The following MAPK14 variants were observed in gnomAD, a reference collection of about 807,000 sequenced individuals.
MAPK14 encodes mitogen-activated protein kinase 14, also known as CSAID-binding protein.
Under a neutral mutation model 49.6 loss-of-function variants are expected in MAPK14, and 16 were observed. That is an observed-to-expected ratio of 0.32 (90% CI 0.22 to 0.49). The LOEUF (loss-of-function observed/expected upper bound fraction) is 0.49. Among genes scored for constraint, MAPK14 ranks in the 20% least tolerant of loss-of-function variants. The pLI is 0.99. For synonymous variants in MAPK14, 142 were observed against 158.0 expected, an observed-to-expected ratio of 0.90 and a Z score of 0.76; for missense variants, 200 against 441.2, an observed-to-expected ratio of 0.45 and a Z score of 4.90.
At position 36,034,225 on chromosome 6, in the gene MAPK14, C is replaced by T. The variant is rs1252254135; in HGVS notation, c.116+5952C>T. On this transcript the variant is annotated intron_variant, in intron 1 of 11. Transcript: ENST00000229794. Reference sequence around the variant, plus strand: ...TTAACCCATTAGAGTCATGTCTCTTCCTCAGAACTGATAAATCAAAAATGC... The same window carrying T: ...TTAACCCATTAGAGTCATGTCTCTTTCTCAGAACTGATAAATCAAAAATGC... Among the ~76,000 whole-genome samples, 4 of 152,290 alleles carry T rather than the reference C, an allele frequency of 2.6e-5. No homozygotes were observed. The East Asian group carries it at 7.7e-4, about 29-fold the overall frequency.
In MAPK14 at chr6:36,052,814, A is replaced by G. The variant is rs1280014164; in HGVS notation, c.232A>G (p.Met78Val). ...CAGAGAACTGCGGTTACTTAAACAT[A>G]TGAAACATGAAAATGTAAGTTATTC... The part of the protein sequence containing the change: ...TYRELRLLKH[M>V]KHENVIGLLD... The change falls in exon 2 of 12, where the codon ATG (methionine) becomes GTG (valine). Residue 78 changes from methionine (M) to valine (V), a missense_variant. Coordinates refer to ENST00000229794, the MANE Select transcript of MAPK14 (RefSeq NM_139012.3). The G allele has an allele frequency of 6.2e-7, 1 of 1,606,770 alleles. No homozygotes were observed.
chr6:36,112,017 T>A (rs1230348604), downstream of MAPK14, among the ~76,000 whole-genome samples: 1 of 151,864 alleles, frequency 6.6e-6, no homozygotes, highest in African/African-American at 2.4e-5. Context: ...CCATCCTGGC[T>A]AACACGGTGA....
At chr6:36,045,209 G>A (rs1268278327) in intron 1 of MAPK14, among the ~76,000 whole-genome samples, 1 of 151,602 alleles carries the variant, frequency 6.6e-6, no homozygotes, top group African/African-American at 2.4e-5. Context: ...TTGGCCTTAC[G>A]ACAGCAATCT....
intron 3 of MAPK14, 134 bp downstream of exon 3, chr6:36,059,481 G>A: frequency 2.9e-6 from 2 of 679,614 alleles, no homozygotes; most frequent in South Asian, 1.7e-5. Flanking sequence ...CTTTTTGGGT[G>A]TAGGGATGGA....
At chr6:36,118,367 T>C in the MAPK14 span, among the ~76,000 whole-genome samples, 2 of 152,344 alleles carry the variant, frequency 1.3e-5, no homozygotes, top group Admixed American at 6.5e-5. Context: ...CCTGTCCCCA[T>C]GGAGTTGTTC....
At position 36,030,556 on chromosome 6, in the gene MAPK14, G is replaced by C. The variant is rs554999936; in HGVS notation, c.116+2283G>C. Among the ~76,000 whole-genome samples the C allele has an allele frequency of 2.6e-5, 4 of 151,814 alleles. No individual in the cohort carries two copies. The East Asian group carries it at 7.8e-4, about 29-fold the overall frequency. On this transcript the variant is annotated intron_variant, in intron 1 of 11. Coordinates refer to ENST00000229794, the MANE Select transcript of MAPK14 (RefSeq NM_139012.3). ...CAAAAAATTAGCCGCCCGTGGTGGCGGGCGCCTGTACTCCCAGCTACTCAG... is the reference window on the plus strand; with the variant it reads ...CAAAAAATTAGCCGCCCGTGGTGGCCGGCGCCTGTACTCCCAGCTACTCAG...
chr6:36,095,893 G>A (rs1459088183), intron 8 of MAPK14, 94 bp from the exon 9 acceptor site: 20 of 762,654 alleles, frequency 2.6e-5, no homozygotes, highest in Non-Finnish European at 3.9e-5. Flanking sequence ...TTTTGTTCTC[G>A]GTGTGTTCTG....
At chr6:36,068,001 A>G (rs1285524514) in intron 3 of MAPK14, among the ~76,000 whole-genome samples, 1 of 152,224 alleles carries the variant, frequency 6.6e-6, no homozygotes, top group Non-Finnish European at 1.5e-5. Context: ...GTTAGCAGAC[A>G]ATAATGCTAT....
chr6:36,119,280 A>G, the MAPK14 span, among the ~76,000 whole-genome samples: 1 of 152,240 alleles, frequency 6.6e-6, no homozygotes, highest in Non-Finnish European at 1.5e-5. Context: ...ATGTCCCCAA[A>G]CCTAGAAACC....
chr6:36,113,343 TAAAAAAAAA>T (rs35876911), downstream of MAPK14, among the ~76,000 whole-genome samples: 29 of 71,764 alleles, frequency 4.0e-4, no homozygotes, highest in Admixed American at 1.5e-3. Context: ...CCCTGTCTCA[TAAAAAAAAA>T]AAAAAAAAAA....
the MAPK14 span, among the ~76,000 whole-genome samples, chr6:36,117,154 T>C: frequency 6.6e-6 from 1 of 152,188 alleles, no homozygotes; most frequent in African/African-American, 2.4e-5. Flanking sequence ...TCTCCCTAGT[T>C]CCAGGCCCCT....
At chr6:36,056,747 T>C (rs973862708) in intron 2 of MAPK14, among the ~76,000 whole-genome samples, 1 of 152,218 alleles carries the variant, frequency 6.6e-6, no homozygotes, top group African/African-American at 2.4e-5. Flanking sequence ...ATGTAAATAG[T>C]TTTAAACTTT....
At chr6:36,076,455 A>G (rs1390137336) in intron 7 of MAPK14, 82 bp from the exon 8 acceptor site, 1 of 944,004 alleles carries the variant, frequency 1.1e-6, no homozygotes, top group Non-Finnish European at 1.7e-6. Flanking sequence ...TGAATATTTC[A>G]CCCCTAGTTA....
Position 36,107,204 on chromosome 6 carries a change from A to G in MAPK14, c.842-251A>G, listed in dbSNP as rs1200109750. 6.6e-6 allele frequency among the ~76,000 whole-genome samples: 1 copy of G among 152,160 alleles called. No individual in the cohort carries two copies. Among genetic ancestry groups the G allele is most frequent in the Non-Finnish European group, 1.5e-5 (1 of 68,034 alleles). ...AGTCCGTGGTGAGACCCATGTAACA[A>G]ATGTGCACATGTACCCCCAAATCAA... On this transcript the variant is annotated intron_variant, in intron 10 of 11. Transcript: ENST00000229794. The surrounding 1 kb of genome is among the most constrained non-coding windows in gnomAD (Gnocchi z 4.3).
chr6:36,119,712 C>T, the MAPK14 span, among the ~76,000 whole-genome samples: 107 of 152,204 alleles, frequency 7.0e-4, no homozygotes, highest in African/African-American at 2.3e-3. Context: ...GGGTGGTGAG[C>T]ATCTAGTGGG....
chr6:36,054,055 T>TA (rs1763501410), intron 2 of MAPK14, among the ~76,000 whole-genome samples: 1 of 151,448 alleles, frequency 6.6e-6, no homozygotes, highest in Admixed American at 6.6e-5. Flanking sequence ...GTGACATGTT[T>TA]ACAAGAAGTT....
rs959385576 is a variant in MAPK14, at chr6:36,110,467, A to G, written c.*2020A>G. ...GTTGTAAATGCTCGTGTGATTTCCT[A>G]CAGAAATACTGCTCTGAATATTTTG... On this transcript the variant is annotated 3_prime_UTR_variant, in exon 12 of 12. Coordinates refer to ENST00000229794, the MANE Select transcript of MAPK14 (RefSeq NM_139012.3). 6.6e-6 allele frequency: 1 copy of G among 152,650 alleles called. No homozygotes were observed. The highest frequency in any genetic ancestry group is 6.5e-5 in the Admixed American group (1 of 15,278). 9.5% of individuals were successfully genotyped at this position (152,650 alleles called of 1,614,324 possible). A position where few individuals can be genotyped will look rare whatever the true frequency, so the allele number is the denominator to read the frequency against.
At chr6:36,100,218 T>C in intron 9 of MAPK14, 1 of 1,613,916 alleles carries the variant, frequency 6.2e-7, no homozygotes, top group Non-Finnish European at 8.5e-7. Context: ...ATTATGCGTC[T>C]GACAGGAACA....
At chr6:36,047,328 G>A (rs1334008329) in intron 1 of MAPK14, among the ~76,000 whole-genome samples, 2 of 152,154 alleles carry the variant, frequency 1.3e-5, no homozygotes, top group Non-Finnish European at 2.9e-5. Context: ...AAAATCCTAG[G>A]AACCAGGAGC....
Sources: gnomAD v4.1 joint callset for allele counts (sites outside exome capture counted in the v4.1 genomes callset) on GRCh38, gnomAD v4.1.1 for gene constraint, Gnocchi (gnomAD v3.1) non-coding constraint, MANE v1.5 for transcripts, NCBI Gene and HGNC (gene_info 2026-07-23, HGNC 2026-07-21) for gene names.